Variants in FKTN observed in about 807,000 individuals in gnomAD.
FKTN encodes fukutin.
FKTN carries 47 observed loss-of-function variants against 58.6 expected under a neutral mutation model. The ratio of observed to expected loss-of-function variants is 0.80; its 90% confidence interval spans 0.63 to 1.02. FKTN has a LOEUF of 1.02. Among genes scored for constraint, FKTN ranks in the 50% least tolerant of loss-of-function variants. The pLI, the probability that FKTN is intolerant of heterozygous loss-of-function variation, is 0.00. For synonymous variants in FKTN, 178 were observed against 191.9 expected (o/e 0.93, Z 0.60); for missense variants, 516 against 537.3 (o/e 0.96, Z 0.39).
intron 1 of FKTN, among the ~76,000 whole-genome samples, chr9:105,570,496 C>T (rs1840552903): frequency 6.6e-6 from 1 of 152,116 alleles, no homozygotes; most frequent in African/African-American, 2.4e-5. Context: ...AACAGTGGTT[C>T]TTAATTGATG....
At chr9:105,584,542 G>A (rs1843577188) in intron 3 of FKTN, among the ~76,000 whole-genome samples, 1 of 152,066 alleles carries the variant, frequency 6.6e-6, no homozygotes, top group South Asian at 2.1e-4. Context: ...TATATGGAGT[G>A]GGTGCAGTGG....
chr9:105,606,424 G>T (rs528229846), intron 6 of FKTN, among the ~76,000 whole-genome samples: 1 of 151,864 alleles, frequency 6.6e-6, no homozygotes, highest in South Asian at 2.1e-4. Flanking sequence ...ACAATTACAG[G>T]ATTAAAAACA....
chr9:105,569,228 T>C (rs1840288773), intron 1 of FKTN, among the ~76,000 whole-genome samples: 1 of 152,150 alleles, frequency 6.6e-6, no homozygotes, highest in Admixed American at 6.5e-5. Context: ...ACATGGCACA[T>C]GTATACATAT....
chr9:105,636,953 A>C lies in FKTN; in HGVS notation c.*1689A>C. 1 of 1,036,872 alleles carries C rather than the reference A, an allele frequency of 9.6e-7. No individual in the cohort carries two copies. Among genetic ancestry groups the C allele is most frequent in the East Asian group, 8.1e-5 (1 of 12,318 alleles). 64.2% of individuals were successfully genotyped at this position (1,036,872 alleles called of 1,614,324 possible). ...TCAATGCAGAATTATTGGGTCTTTC[A>C]TAAATAACATGAGTGGTTTCTGGAG... On this transcript the variant is annotated 3_prime_UTR_variant, in exon 11 of 11. Coordinates refer to ENST00000357998, the MANE Select transcript of FKTN (RefSeq NM_001079802.2).
Position 105,639,846 on chromosome 9 carries a change from G to C in FKTN, c.*4582G>C. 1.5e-6 allele frequency: 2 copies of C among 1,327,286 alleles called. No individual in the cohort carries two copies. The highest frequency in any genetic ancestry group is 4.0e-5 in the South Asian group (2 of 49,694). 82.2% of individuals were successfully genotyped at this position (1,327,286 alleles called of 1,614,324 possible). ...GTTTGCTGGTCCCAAGCAGTTTACT[G>C]TACTTCACTAGATTTGGTACCTGCT... On this transcript the variant is annotated 3_prime_UTR_variant, in exon 11 of 11. Coordinates refer to ENST00000357998, the MANE Select transcript of FKTN (RefSeq NM_001079802.2).
In FKTN at chr9:105,638,641, A is replaced by G. The variant is rs148172557; in HGVS notation, c.*3377A>G. On this transcript the variant is annotated 3_prime_UTR_variant, in exon 11 of 11. Transcript: ENST00000357998. ...CCTGGTAGTAGTGGTCTCATTCACAAAAAAGAATAATAGATGTAACTGGAG... is the reference window on the plus strand; with the variant it reads ...CCTGGTAGTAGTGGTCTCATTCACAGAAAAGAATAATAGATGTAACTGGAG... The G allele has an allele frequency of 4.7e-5, 46 of 985,354 alleles. 1 individual carries two copies. The East Asian group carries it at 5.1e-3, about 109-fold the overall frequency. The allele number at this position is 985,354 out of a possible 1,614,324, so 61.0% of individuals were successfully genotyped here.
chr9:105,600,371 A>G (rs563549435), intron 4 of FKTN, among the ~76,000 whole-genome samples: 12 of 152,172 alleles, frequency 7.9e-5, no homozygotes, highest in African/African-American at 2.2e-4. Flanking sequence ...AAACATTCCT[A>G]TAAGTCTTGC....
chr9:105,612,099 G>A (rs554974151), intron 7 of FKTN, among the ~76,000 whole-genome samples: 19 of 151,388 alleles, frequency 1.3e-4, no homozygotes, highest in African/African-American at 4.6e-4. Flanking sequence ...AGATAGTATC[G>A]TATTGTTTTT....
At position 105,573,726 on chromosome 9, in the gene FKTN, T is replaced by TA. The variant is rs1474771452; in HGVS notation, c.-102dup. 6.6e-6 allele frequency: 1 copy of TA among 152,068 alleles called. No individual in the cohort carries two copies. Among genetic ancestry groups the TA allele is most frequent in the African/African-American group, 2.4e-5 (1 of 41,348 alleles). 9.4% of individuals were successfully genotyped at this position (152,068 alleles called of 1,614,324 possible). A position where few individuals can be genotyped will look rare whatever the true frequency, so the allele number is the denominator to read the frequency against. ...CAACATCCTTGTATAACCTAGTTTTTAAAAAAATTGGATTTCAAAGGTAAG... is the reference window on the plus strand; with the variant it reads ...CAACATCCTTGTATAACCTAGTTTTTAAAAAAAATTGGATTTCAAAGGTAAG... On this transcript the variant is annotated 5_prime_UTR_variant, in exon 2 of 11. Coordinates refer to ENST00000357998, the MANE Select transcript of FKTN (RefSeq NM_001079802.2).
Position 105,617,973 on chromosome 9 carries a change from T to TA in FKTN, c.925_926insA (p.Cys309Ter). Reference protein sequence around the residue: ...SGTCLGWYRQCNIIPYSKDVD... With the variant: ...SGTCLGWYRQ Reference sequence around the variant, plus strand: ...CTTCTTTTTAGGATGGTATCGACAATGCAACATTATTCCTTATAGCAAAGA... The same window carrying TA: ...CTTCTTTTTAGGATGGTATCGACAATAGCAACATTATTCCTTATAGCAAAGA... Residue 309 changes from cysteine to a stop codon, truncating the protein, a stop_gained and frameshift_variant, in exon 9 of 11, where the codon TGC (cysteine) becomes TAGC (stop). Transcript: ENST00000357998. LOFTEE classifies it high-confidence loss of function. 1 of 1,589,062 alleles carries TA rather than the reference T, an allele frequency of 6.3e-7. No homozygotes were observed. Among genetic ancestry groups the TA allele is most frequent in the South Asian group, 1.1e-5 (1 of 90,430 alleles).
At chr9:105,574,677 G>C (rs1329384568) in intron 2 of FKTN, among the ~76,000 whole-genome samples, 1 of 151,932 alleles carries the variant, frequency 6.6e-6, no homozygotes, top group Non-Finnish European at 1.5e-5. Context: ...GAAACTGGAG[G>C]AGAAAAGCAC....
At chr9:105,620,758 CTGT>C (rs1160388144) in intron 10 of FKTN, among the ~76,000 whole-genome samples, 1 of 145,756 alleles carries the variant, frequency 6.9e-6, no homozygotes, top group Non-Finnish European at 1.5e-5. Flanking sequence ...TTATTACCTG[CTGT>C]TACTAATACT....
intron 3 of FKTN, among the ~76,000 whole-genome samples, chr9:105,577,450 C>G (rs1218698951): frequency 1.4e-5 from 2 of 145,940 alleles, no homozygotes; most frequent in African/African-American, 2.7e-5. Flanking sequence ...TCTTGTTTTT[C>G]TCAGGTTTGT....
At chr9:105,565,347 G>C (rs934620260) in intron 1 of FKTN, among the ~76,000 whole-genome samples, 2 of 152,138 alleles carry the variant, frequency 1.3e-5, no homozygotes, top group African/African-American at 4.8e-5. Flanking sequence ...AAAAGACACA[G>C]ACTGGCAAAT....
chr9:105,619,627 A>C (rs1831494950), intron 9 of FKTN, among the ~76,000 whole-genome samples: 1 of 152,180 alleles, frequency 6.6e-6, no homozygotes, highest in Non-Finnish European at 1.5e-5. Flanking sequence ...TTTTAGTCAG[A>C]AAGCTGCTCT....
At chr9:105,592,771 T>C (rs560725352) in intron 3 of FKTN, among the ~76,000 whole-genome samples, 1 of 152,362 alleles carries the variant, frequency 6.6e-6, no homozygotes, top group Non-Finnish European at 1.5e-5. Flanking sequence ...AAGTGACTTT[T>C]TGCTTCACCT....
chr9:105,577,645 G>A (rs1409082397), intron 3 of FKTN, among the ~76,000 whole-genome samples: 15 of 150,426 alleles, frequency 1.0e-4, no homozygotes, highest in African/African-American at 3.0e-4. Context: ...TTGACTTGGC[G>A]ATGCGGGCTC....
chr9:105,585,267 A>G (rs931140370), intron 3 of FKTN, among the ~76,000 whole-genome samples: 4 of 152,174 alleles, frequency 2.6e-5, no homozygotes, highest in Non-Finnish European at 5.9e-5. Context: ...TCTGCTAAAA[A>G]TAAGAAAATT....
At chr9:105,597,559 A>C (rs1318795681) in intron 4 of FKTN, among the ~76,000 whole-genome samples, 3 of 152,188 alleles carry the variant, frequency 2.0e-5, no homozygotes, top group Non-Finnish European at 2.9e-5. Flanking sequence ...TATACTACCC[A>C]GTCACAGTTA....
Sources: gnomAD v4.1 joint callset for allele counts (sites outside exome capture counted in the v4.1 genomes callset) on GRCh38, gnomAD v4.1.1 for gene constraint, MANE v1.5 for transcripts, NCBI Gene and HGNC (gene_info 2026-07-23, HGNC 2026-07-21) for gene names.